The following SPOCK2 variants were observed in gnomAD, a reference collection of about 807,000 sequenced individuals.
The protein encoded by SPOCK2 is testican-2.
A neutral mutation model predicts 60.1 loss-of-function variants in SPOCK2; 39 were observed. The ratio of observed to expected loss-of-function variants is 0.65; its 90% CI spans 0.50 to 0.85. The LOEUF is 0.85. Among genes scored for constraint, SPOCK2 ranks in the 40% least tolerant of loss-of-function variants. The pLI is 0.00. For synonymous variants in SPOCK2, 217 were observed against 231.5 expected, an observed-to-expected ratio of 0.94 and a Z score of 0.57; for missense variants, 523 against 567.4, an observed-to-expected ratio of 0.92 and a Z score of 0.80.
At position 72,066,886 on chromosome 10, in the gene SPOCK2, G is replaced by T. The variant is rs150653253; in HGVS notation, c.928+16C>A. 11 of 1,613,764 alleles carry T rather than the reference G, an allele frequency of 6.8e-6. No homozygotes were observed. The highest frequency in any genetic ancestry group is 1.1e-5 in the South Asian group (1 of 91,050). On this transcript the variant is annotated intron_variant, in intron 8 of 10. Transcript: ENST00000373109. Reference sequence around the variant, plus strand: ...ACACGGGTGAGGCAGGGGCCTGGGAGGGGGGCTGCACTCACTCTCCCTCCA... The same window carrying T: ...ACACGGGTGAGGCAGGGGCCTGGGATGGGGGCTGCACTCACTCTCCCTCCA...
At position 72,063,149 on chromosome 10, in the gene SPOCK2, C is replaced by A. The variant is rs538567547; in HGVS notation, c.1005G>T (p.Pro335=). 1 of 1,556,784 alleles carries A rather than the reference C, an allele frequency of 6.4e-7. No individual in the cohort carries two copies. The highest frequency in any genetic ancestry group is 8.7e-7 in the Non-Finnish European group (1 of 1,149,830). The part of the protein sequence containing the change: ...AAKKKPGIFI[P]SCDEDGYYRK... Reference sequence around the variant, plus strand: ...GGTAGTAGCCATCCTCGTCGCAGCTCGGGATGAAGATGCCTGAATGAGACA... The same window carrying A: ...GGTAGTAGCCATCCTCGTCGCAGCTAGGGATGAAGATGCCTGAATGAGACA... The change falls in exon 10 of 11, where the codon CCG becomes CCT. Residue 335 remains proline, a synonymous_variant. Coordinates refer to ENST00000373109, the MANE Select transcript of SPOCK2 (RefSeq NM_001244950.2).
intron 4 of SPOCK2, 32 bp downstream of exon 4, chr10:72,072,112 C>T (rs1362451579): frequency 6.9e-7 from 1 of 1,456,894 alleles, no homozygotes; most frequent in African/African-American, 1.4e-5. Flanking sequence ...AACACACCCC[C>T]TCCAGGGCTC....
chr10:72,074,018 G>A (rs141815317), intron 1 of SPOCK2, among the ~76,000 whole-genome samples: 2 of 152,200 alleles, frequency 1.3e-5, no homozygotes, highest in East Asian at 3.9e-4. Context: ...TGGGAGCTGG[G>A]GGGAGAGGGG....
upstream of SPOCK2, chr10:72,088,612 T>C (rs1472686495): frequency 9.7e-6 from 3 of 308,704 alleles, no homozygotes; most frequent in Admixed American, 5.1e-5. Context: ...GACATCATCA[T>C]ACCTGGTTTA....
chr10:72,071,131 G>A (rs1840641463), intron 4 of SPOCK2, among the ~76,000 whole-genome samples: 1 of 152,090 alleles, frequency 6.6e-6, no homozygotes, highest in Admixed American at 6.5e-5. Context: ...CAGGGTCTTG[G>A]AGCCAGGCAG....
chr10:72,072,022 AG>A, intron 4 of SPOCK2, 121 bp downstream of exon 4: 1 of 735,246 alleles, frequency 1.4e-6, no homozygotes, highest in South Asian at 2.8e-5. Context: ...TGCTGTTTTA[AG>A]CACTAAGTTT....
In SPOCK2 at chr10:72,088,494, TAG is replaced by T; in HGVS notation, c.-168_-167del. ...GGTCGCGGCTGAAATGTGACCTGGTTAGGAGATGCACTTGTCTGAAAAAGCCC... is the reference window on the plus strand; with the variant it reads ...GGTCGCGGCTGAAATGTGACCTGGTTGAGATGCACTTGTCTGAAAAAGCCC... On this transcript the variant is annotated 5_prime_UTR_variant, in exon 1 of 11. Transcript: ENST00000373109. 3 of 744,622 alleles carry T rather than the reference TAG, an allele frequency of 4.0e-6. No homozygotes were observed. Among genetic ancestry groups the T allele is most frequent in the Non-Finnish European group, 6.3e-6 (3 of 475,570 alleles). 46.1% of individuals were successfully genotyped at this position (744,622 alleles called of 1,614,324 possible). A position where few individuals can be genotyped will look rare whatever the true frequency, so the allele number is the denominator to read the frequency against.
rs557847250 is a variant in SPOCK2 at position 72,080,808 on chromosome 10, C to T, written c.189+7332G>A. Among the ~76,000 whole-genome samples, 12 of 152,232 alleles carry T rather than the reference C, an allele frequency of 7.9e-5. No homozygotes were observed. In the East Asian group the frequency reaches 2.3e-3, roughly 29 times the overall value. On this transcript the variant is annotated intron_variant, in intron 1 of 10. Coordinates refer to ENST00000373109, the MANE Select transcript of SPOCK2 (RefSeq NM_001244950.2). ...GTGCATATCATCACTCCCTGCATGC[C>T]AGGAGCCGGGCTGGGCCTGGGCTCA... is the stretch of plus-strand genomic sequence containing the variant.
In SPOCK2 at chr10:72,087,928, G is replaced by A. The variant is rs1446225922; in HGVS notation, c.189+212C>T. Among the ~76,000 whole-genome samples the A allele has an allele frequency of 1.3e-5, 2 of 151,526 alleles. No individual in the cohort carries two copies. Among genetic ancestry groups the A allele is most frequent in the East Asian group, 2.0e-4 (1 of 5,118 alleles). On this transcript the variant is annotated intron_variant, in intron 1 of 10. Transcript: ENST00000373109. This position sits in a 1 kb window ranked among gnomAD's most constrained non-coding sequence, Gnocchi z 4.7. ...CAGGTGTGGAGCTGGGGGTCCCGGG[G>A]CTGGGGGGTCCCAGGGCCGCCGGCC... is the stretch of plus-strand genomic sequence containing the variant.
chr10:72,077,625 T>A lies in SPOCK2; in HGVS notation c.190-4715A>T, dbSNP rs183274187. On this transcript the variant is annotated intron_variant, in intron 1 of 10. Transcript: ENST00000373109. ...AATATTTTGCTTATGTTCTTGGGTG[T>A]CTTCACCCCAAACACGGGGCCTCTG... Among the ~76,000 whole-genome samples, 585 of 152,294 alleles carry A rather than the reference T, an allele frequency of 3.8e-3. 2 individuals carry two copies. Among genetic ancestry groups the A allele is most frequent in the African/African-American group, 0.013 (544 of 41,548 alleles).
rs746371563 is a variant in SPOCK2 at position 72,088,354 on chromosome 10, G to T, written c.-26C>A. ...CGTGGTCTGGGTTCGACCTGGGGGG[G>T]TCTTGACTTCTGCAGTATTTTAATG... is the stretch of plus-strand genomic sequence containing the variant. On this transcript the variant is annotated 5_prime_UTR_variant, in exon 1 of 11. Transcript: ENST00000373109. 9 of 1,498,398 alleles carry T rather than the reference G, an allele frequency of 6.0e-6. No homozygotes were observed. Among genetic ancestry groups the T allele is most frequent in the East Asian group, 2.3e-5 (1 of 42,694 alleles). 92.8% of individuals were successfully genotyped at this position (1,498,398 alleles called of 1,614,324 possible).
chr10:72,086,717 C>T (rs979061449), intron 1 of SPOCK2: 6 of 1,379,882 alleles, frequency 4.3e-6, no homozygotes, highest in African/African-American at 1.5e-5. Flanking sequence ...TCGCGGGGCC[C>T]GGCCACTCAG....
chr10:72,082,058 G>A (rs958117030), intron 1 of SPOCK2, among the ~76,000 whole-genome samples: 1 of 152,218 alleles, frequency 6.6e-6, no homozygotes, highest in Non-Finnish European at 1.5e-5. Context: ...ACGATGGGAG[G>A]AATGTGACAA....
chr10:72,064,279 T>C (rs1803407833), intron 8 of SPOCK2, 39 bp from the exon 9 acceptor site: 1 of 1,543,094 alleles, frequency 6.5e-7, no homozygotes, highest in Admixed American at 1.9e-5. Context: ...GACTGTCCCC[T>C]GGTGCTGGGG....
chr10:72,076,474 G>A (rs1455902678), intron 1 of SPOCK2, among the ~76,000 whole-genome samples: 1 of 152,250 alleles, frequency 6.6e-6, no homozygotes, highest in Non-Finnish European at 1.5e-5. Flanking sequence ...AGGTGGCTCT[G>A]CTGCCGACCT....
Position 72,062,991 on chromosome 10 carries a change from G to T in SPOCK2, c.1129+34C>A. 6.4e-7 allele frequency: 1 copy of T among 1,568,672 alleles called. No individual in the cohort carries two copies. Among genetic ancestry groups the T allele is most frequent in the Non-Finnish European group, 8.6e-7 (1 of 1,158,200 alleles). On this transcript the variant is annotated intron_variant, in intron 10 of 10. Transcript: ENST00000373109. The surrounding 1 kb of genome is among the most constrained non-coding windows in gnomAD (Gnocchi z 4.3). ...CCACGACAAGGGCCCCCAGGCCTGG[G>T]CCCCCAGCAGGCCCTGAGCTGCCCA... is the stretch of plus-strand genomic sequence containing the variant.
At chr10:72,072,779 C>T in intron 2 of SPOCK2, 123 bp downstream of exon 2, 1 of 1,466,934 alleles carries the variant, frequency 6.8e-7, no homozygotes, top group Non-Finnish European at 9.3e-7. Context: ...CTCCTGATTG[C>T]TCCCATGCCA....
chr10:72,081,635 G>A (rs1299906903), intron 1 of SPOCK2, among the ~76,000 whole-genome samples: 1 of 152,256 alleles, frequency 6.6e-6, no homozygotes, highest in East Asian at 1.9e-4. Flanking sequence ...TGTAGCCAGG[G>A]ATAGGCACGG....
intron 1 of SPOCK2, among the ~76,000 whole-genome samples, chr10:72,081,644 G>A (rs75071136): frequency 0.039 from 5,993 of 152,350 alleles, 160 homozygotes; most frequent in Non-Finnish European, 0.058. Flanking sequence ...GGATAGGCAC[G>A]GAGGGCTGAA....
Sources: gnomAD v4.1 joint callset for allele counts (sites outside exome capture counted in the v4.1 genomes callset) on GRCh38, gnomAD v4.1.1 for gene constraint, Gnocchi (gnomAD v3.1) non-coding constraint, MANE v1.5 for transcripts, NCBI Gene and HGNC (gene_info 2026-07-23, HGNC 2026-07-21) for gene names.